MTRES1: variants seen among roughly 807,000 people sequenced by gnomAD.
The protein encoded by MTRES1 is mitochondrial transcription rescue factor 1.
In MTRES1, 11 loss-of-function variants were observed where a neutral mutation model predicts 17.4. That is an observed-to-expected ratio of 0.63 (90% CI 0.40 to 1.05). The LOEUF is 1.05. MTRES1 is among the 50% of genes least tolerant of loss of function. The pLI is 0.00. For synonymous variants in MTRES1, 94 were observed against 99.6 expected, an observed-to-expected ratio of 0.94 and a Z score of 0.34; for missense variants, 268 against 276.2, an observed-to-expected ratio of 0.97 and a Z score of 0.21.
At chr6:107,044,102 A>G (rs575030675) in intron 2 of MTRES1, among the ~76,000 whole-genome samples, 158 bp from the exon 3 acceptor site, 12 of 152,344 alleles carry the variant, frequency 7.9e-5, no homozygotes, top group African/African-American at 2.9e-4. Flanking sequence ...AGCTTGGGCA[A>G]CAGAGTGAGA....
intron 1 of MTRES1, among the ~76,000 whole-genome samples, chr6:107,034,285 T>C (rs953162240): frequency 2.0e-5 from 3 of 152,076 alleles, no homozygotes; most frequent in African/African-American, 4.8e-5. Context: ...ATAGAACTTA[T>C]GGATGGGGAG....
At chr6:107,047,226 CTTTAT>C (rs1427738289) in intron 3 of MTRES1, among the ~76,000 whole-genome samples, 1 of 150,056 alleles carries the variant, frequency 6.7e-6, no homozygotes, top group African/African-American at 2.5e-5. Context: ...TTTTCTTTTT[CTTTAT>C]TTTATTTTGG....
chr6:107,029,011 G>T (rs1186870028), intron 1 of MTRES1: 3 of 333,420 alleles, frequency 9.0e-6, no homozygotes, highest in Non-Finnish European at 1.3e-5. Context: ...ATTCCACAGG[G>T]TGTTGTTTTG....
chr6:107,042,884 A>G lies in MTRES1; in HGVS notation c.471-1376A>G, dbSNP rs73761791. 4.8e-3 allele frequency among the ~76,000 whole-genome samples: 734 copies of G among 152,322 alleles called. 5 individuals carry two copies. The highest frequency in any genetic ancestry group is 0.016 in the African/African-American group (677 of 41,578). ...TGCTAAAACCTTTCTTAAGGCTCCAATTAACTGCCTAAGAGCACTAGCAAA... is the reference window on the plus strand; with the variant it reads ...TGCTAAAACCTTTCTTAAGGCTCCAGTTAACTGCCTAAGAGCACTAGCAAA... On this transcript the variant is annotated intron_variant, in intron 2 of 3. Coordinates refer to ENST00000311381, the MANE Select transcript of MTRES1 (RefSeq NM_016487.5).
intron 3 of MTRES1, among the ~76,000 whole-genome samples, chr6:107,046,401 G>A (rs1326147945): frequency 1.3e-5 from 2 of 150,076 alleles, no homozygotes; most frequent in African/African-American, 4.9e-5. Flanking sequence ...TCTGCCTTGG[G>A]TGTTCTGTTG....
chr6:107,047,065 G>T (rs1774419585), intron 3 of MTRES1, among the ~76,000 whole-genome samples: 1 of 151,930 alleles, frequency 6.6e-6, no homozygotes, highest in East Asian at 1.9e-4. Flanking sequence ...GCCTCCCAAA[G>T]TGCTGGGATT....
chr6:107,039,897 C>G lies in MTRES1; in HGVS notation c.137C>G (p.Ser46Cys), dbSNP rs1554227411. Residue 46 changes from serine to cysteine, a missense_variant, in exon 2 of 4, where the codon TCT (serine) becomes TGT (cysteine). Physicochemically the swap from Ser to Cys is moderately radical, Grantham distance 112. Transcript: ENST00000311381. The part of the protein sequence containing the change: ...CTSWNRYLYF[S>C]STKLRAPNYK... ...TCCTGGAATCGATACTTGTATTTTTCTAGTACCAAGTTACGTGCACCAAAT... is the reference window on the plus strand; with the variant it reads ...TCCTGGAATCGATACTTGTATTTTTGTAGTACCAAGTTACGTGCACCAAAT... The G allele has an allele frequency of 6.2e-7, 1 of 1,613,974 alleles. No homozygotes were observed. Among genetic ancestry groups the G allele is most frequent in the East Asian group, 2.2e-5 (1 of 44,888 alleles).
At chr6:107,037,204 C>T (rs1774041132) in intron 1 of MTRES1, among the ~76,000 whole-genome samples, 1 of 152,146 alleles carries the variant, frequency 6.6e-6, no homozygotes, top group Admixed American at 6.6e-5. Flanking sequence ...CTCTGCCTCC[C>T]AGGTTCAAGC....
intron 2 of MTRES1, among the ~76,000 whole-genome samples, chr6:107,043,770 G>A (rs1460384080): frequency 1.3e-5 from 2 of 152,122 alleles, no homozygotes; most frequent in Non-Finnish European, 2.9e-5. Flanking sequence ...ACCCGTGCTG[G>A]CCAAGGGTCA....
At chr6:107,045,541 A>G (rs1036471845) in intron 3 of MTRES1, among the ~76,000 whole-genome samples, 1 of 152,088 alleles carries the variant, frequency 6.6e-6, no homozygotes, top group Non-Finnish European at 1.5e-5. Flanking sequence ...AGTTACGTAT[A>G]TATATACATC....
chr6:107,036,646 A>G (rs1448189957), intron 1 of MTRES1, among the ~76,000 whole-genome samples: 1 of 152,052 alleles, frequency 6.6e-6, no homozygotes, highest in African/African-American at 2.4e-5. Flanking sequence ...GATCGAGACC[A>G]TCCTGTCTAA....
Position 107,039,756 on chromosome 6 carries a change from G to A in MTRES1, c.-5G>A. On this transcript the variant is annotated 5_prime_UTR_variant, in exon 2 of 4. Transcript: ENST00000311381. ...ATTTATTATCTGTTTCAGATTATAA[G>A]CGCCATGGCTATGGCTAGTGTTAAA... The A allele has an allele frequency of 6.3e-7, 1 of 1,587,230 alleles. No homozygotes were observed. Among genetic ancestry groups the A allele is most frequent in the African/African-American group, 1.4e-5 (1 of 73,180 alleles).
In MTRES1 at chr6:107,030,139, G is replaced by A. The variant is rs543130979; in HGVS notation, c.-13+1868G>A. ...GCTTAATTAAGGGGAGGATGCCAGT[G>A]TTGCTGAAGCTGAATTTGCAAGAGT... is the stretch of plus-strand genomic sequence containing the variant. On this transcript the variant is annotated intron_variant, in intron 1 of 3. Transcript: ENST00000311381. The A allele has an allele frequency of 5.8e-4, 415 of 718,576 alleles. 2 individuals are homozygous for A. The Middle Eastern group carries it at 0.012, about 20-fold the overall frequency. 44.5% of individuals were successfully genotyped at this position (718,576 alleles called of 1,614,324 possible).
intron 3 of MTRES1, among the ~76,000 whole-genome samples, chr6:107,045,899 C>T (rs1774374080): frequency 6.6e-6 from 1 of 152,182 alleles, no homozygotes. Flanking sequence ...GAACTACATC[C>T]GGTTGCCCTA....
rs1554227500 is a variant in MTRES1 at position 107,040,143 on chromosome 6, T to C, written c.383T>C (p.Val128Ala). The C allele has an allele frequency of 6.2e-7, 1 of 1,613,562 alleles. No individual in the cohort carries two copies. Among genetic ancestry groups the C allele is most frequent in the East Asian group, 2.2e-5 (1 of 44,876 alleles). Reference sequence around the variant, plus strand: ...GAGGAGCTTGAGGATGATCCTACTGTAGTCAAAAACTATAAAGACCTGGAA... The same window carrying C: ...GAGGAGCTTGAGGATGATCCTACTGCAGTCAAAAACTATAAAGACCTGGAA... ...QEEELEDDPTVVKNYKDLEKA... is the reference protein window; with the variant it reads ...QEEELEDDPTAVKNYKDLEKA... The change falls in exon 2 of 4, where the codon GTA (valine) becomes GCA (alanine). Residue 128 changes from valine to alanine, a missense_variant. By Grantham distance (64) the Val-to-Ala change is moderately conservative. Transcript: ENST00000311381.
chr6:107,043,673 A>T (rs1236430835), intron 2 of MTRES1, among the ~76,000 whole-genome samples: 2 of 152,002 alleles, frequency 1.3e-5, no homozygotes, highest in African/African-American at 4.8e-5. Flanking sequence ...GCTGAGGAAG[A>T]GGAGGAAGAG....
intron 1 of MTRES1, chr6:107,028,761 G>A (rs1278908717): frequency 3.9e-5 from 14 of 356,384 alleles, no homozygotes; most frequent in Non-Finnish European, 4.7e-5. Flanking sequence ...AGTCAGCGCT[G>A]CTTTTTTTAC....
chr6:107,031,573 G>A (rs1490375808), intron 1 of MTRES1, among the ~76,000 whole-genome samples: 1 of 150,884 alleles, frequency 6.6e-6, no homozygotes, highest in South Asian at 2.1e-4. Context: ...CTCCTGAGTA[G>A]CTAGGATTAC....
At chr6:107,039,640 G>A (rs1346051668) in intron 1 of MTRES1, 109 bp from the exon 2 acceptor site, 13 of 1,207,748 alleles carry the variant, frequency 1.1e-5, no homozygotes, top group African/African-American at 4.6e-5. Context: ...TTTTAGGGGC[G>A]AATACGTATA....
Sources: gnomAD v4.1 joint callset for allele counts (sites outside exome capture counted in the v4.1 genomes callset) on GRCh38, gnomAD v4.1.1 for gene constraint, MANE v1.5 for transcripts, NCBI Gene and HGNC (gene_info 2026-07-23, HGNC 2026-07-21) for gene names.